SLC5A3: variants seen among roughly 807,000 people sequenced by gnomAD.
SLC5A3 encodes sodium/myo-inositol cotransporter.
A neutral mutation model predicts 43.2 loss-of-function variants in SLC5A3; 10 were observed. That is an observed-to-expected ratio of 0.23 (90% CI 0.14 to 0.39). SLC5A3 has a LOEUF of 0.39. SLC5A3 is among the 10% of genes least tolerant of loss of function. The probability of loss-of-function intolerance (pLI) is 1.00; values close to 1 mark genes in which losing one functional copy is unlikely to be tolerated. For synonymous variants in SLC5A3, 349 were observed against 322.0 expected (o/e 1.08, Z -0.90); for missense variants, 608 against 893.4 (o/e 0.68, Z 4.07).
rs906216662 is a variant in SLC5A3 at position 34,103,071 on chromosome 21, A to G, written c.*5716A>G. 2 of 1,000,038 alleles carry G rather than the reference A, an allele frequency of 2.0e-6. No homozygotes were observed. The highest frequency in any genetic ancestry group is 3.5e-5 in the African/African-American group (2 of 57,242). The allele number at this position is 1,000,038 out of a possible 1,614,324, so 61.9% of individuals were successfully genotyped here. On this transcript the variant is annotated 3_prime_UTR_variant, in exon 2 of 2. Coordinates refer to ENST00000381151, the MANE Select transcript of SLC5A3 (RefSeq NM_006933.7). ...TTCTGTAAGTGGAATGTTCATTAGT[A>G]ACTCATCTTTTTGTTGTTATAATTG... is the stretch of plus-strand genomic sequence containing the variant.
chr21:34,085,825 A>AT (rs1365216877), intron 1 of SLC5A3, among the ~76,000 whole-genome samples: 1 of 152,102 alleles, frequency 6.6e-6, no homozygotes, highest in Non-Finnish European at 1.5e-5. Context: ...GGTGGTCTTG[A>AT]TGTCCTGACC....
chr21:34,075,527 G>C (rs1009035114), intron 1 of SLC5A3, among the ~76,000 whole-genome samples: 1 of 151,810 alleles, frequency 6.6e-6, no homozygotes, highest in Non-Finnish European at 1.5e-5. Context: ...TGAAATCTTC[G>C]CATGAGGGAA....
At chr21:34,088,798 A>G (rs1602918312) in intron 1 of SLC5A3, among the ~76,000 whole-genome samples, 1 of 152,170 alleles carries the variant, frequency 6.6e-6, no homozygotes, top group African/African-American at 2.4e-5. Flanking sequence ...CATGATTGTT[A>G]TAAGGATTAA....
intron 1 of SLC5A3, among the ~76,000 whole-genome samples, chr21:34,091,847 A>G (rs986176402): frequency 1.3e-5 from 2 of 152,182 alleles, no homozygotes; most frequent in South Asian, 2.1e-4. Context: ...TATTACTCCC[A>G]TTACAGAAGC....
At position 34,096,714 on chromosome 21, in the gene SLC5A3, A is replaced by G. The variant is rs774586769; in HGVS notation, c.1516A>G (p.Ile506Val). The G allele has an allele frequency of 6.8e-5, 109 of 1,614,002 alleles. 1 individual carries two copies. In the South Asian group the frequency reaches 7.8e-4, roughly 12 times the overall value. The change falls in exon 2 of 2, where the codon ATC (isoleucine) becomes GTC (valine). Residue 506 changes from isoleucine (I) to valine (V), a missense_variant. Physicochemically the swap from Ile to Val is conservative, Grantham distance 29. Transcript: ENST00000381151. This position sits in a 1 kb window ranked among gnomAD's most constrained non-coding sequence, Gnocchi z 5.9. ...CDQPDNRPGF[I>V]KDIHYMYVAT... The stretch of plus-strand genomic sequence containing the variant: ...CCAACCTGATAATAGGCCGGGCTTC[A>G]TCAAAGACATCCATTATATGTATGT...
chr21:34,092,601 T>C (rs191981001), intron 1 of SLC5A3, among the ~76,000 whole-genome samples: 2 of 152,322 alleles, frequency 1.3e-5, no homozygotes, highest in Non-Finnish European at 2.9e-5. Flanking sequence ...GAATATAGCT[T>C]CTATATTTAC....
At chr21:34,089,394 T>G (rs1459785804) in intron 1 of SLC5A3, among the ~76,000 whole-genome samples, 1 of 151,714 alleles carries the variant, frequency 6.6e-6, no homozygotes, top group Non-Finnish European at 1.5e-5. Flanking sequence ...CTAGTATCAT[T>G]CACATAAAAG....
Position 34,095,754 on chromosome 21 carries a change from A to G in SLC5A3, c.556A>G (p.Thr186Ala). Residue 186 changes from threonine to alanine, a missense_variant, in exon 2 of 2, where the codon ACT (threonine) becomes GCT (alanine). Thr to Ala is a moderately conservative substitution (Grantham distance 58). This residue lies in a region of SLC5A3 where 398 missense variants were observed against 668.6 expected (regional missense o/e 0.60). Transcript: ENST00000381151. ...GGLVAVIYTD[T>A]LQALLMIIGA... is the part of the protein sequence containing the mutation. ...CCTTGTTGCAGTGATCTACACAGACACTCTGCAGGCTCTGCTCATGATCAT... is the reference window on the plus strand; with the variant it reads ...CCTTGTTGCAGTGATCTACACAGACGCTCTGCAGGCTCTGCTCATGATCAT... 1.2e-6 allele frequency: 2 copies of G among 1,613,652 alleles called. No homozygotes were observed. The highest frequency in any genetic ancestry group is 1.7e-6 in the Non-Finnish European group (2 of 1,179,890).
rs1207899464 is a variant in SLC5A3 at position 34,101,982 on chromosome 21, G to A, written c.*4627G>A. The stretch of plus-strand genomic sequence containing the variant: ...CCAAAAAGGTTTTTTTGCAGTAAAA[G>A]TAAAAATTTGGAATTAGTTGGCATA... On this transcript the variant is annotated 3_prime_UTR_variant, in exon 2 of 2. Transcript: ENST00000381151. The A allele has an allele frequency of 9.0e-6, 9 of 1,000,028 alleles. No individual in the cohort carries two copies. Among genetic ancestry groups the A allele is most frequent in the East Asian group, 1.1e-4 (1 of 8,826 alleles). 61.9% of individuals were successfully genotyped at this position (1,000,028 alleles called of 1,614,324 possible).
intron 1 of SLC5A3, among the ~76,000 whole-genome samples, chr21:34,082,058 T>G (rs528795544): frequency 1.3e-5 from 2 of 151,542 alleles, no homozygotes; most frequent in African/African-American, 4.9e-5. Flanking sequence ...AAATCTGGTT[T>G]TTTTTTTTTT....
At chr21:34,089,029 A>G (rs1466936627) in intron 1 of SLC5A3, among the ~76,000 whole-genome samples, 2 of 152,002 alleles carry the variant, frequency 1.3e-5, no homozygotes, top group Admixed American at 6.6e-5. Flanking sequence ...CTGTTATTTC[A>G]TATTTCCTTT....
rs552390718 is a variant in SLC5A3 at position 34,074,838 on chromosome 21, C to G, written c.-337+1093C>G. 3.3e-4 allele frequency among the ~76,000 whole-genome samples: 50 copies of G among 152,328 alleles called. No individual in the cohort carries two copies. The South Asian group carries it at 0.01, about 31-fold the overall frequency. ...ATTACCAAGTTTGGTTGAACTTAAG[C>G]TCAATTGATAAACTAACAATCACGG... On this transcript the variant is annotated intron_variant, in intron 1 of 1. Coordinates refer to ENST00000381151, the MANE Select transcript of SLC5A3 (RefSeq NM_006933.7).
rs568912727 is a variant in SLC5A3, at chr21:34,102,856, A to G, written c.*5501A>G. ...CTAGGTTGTTTACATTCAGAGCTCT[A>G]TCAATAAGAGGAATACATATTACAG... On this transcript the variant is annotated 3_prime_UTR_variant, in exon 2 of 2. Transcript: ENST00000381151. 1.1e-5 allele frequency: 11 copies of G among 1,000,058 alleles called. No individual in the cohort carries two copies. The highest frequency in any genetic ancestry group is 1.3e-5 in the Non-Finnish European group (11 of 829,938). The allele number at this position is 1,000,058 out of a possible 1,614,324, so 61.9% of individuals were successfully genotyped here. A position where few individuals can be genotyped will look rare whatever the true frequency, so the allele number is the denominator to read the frequency against.
intron 1 of SLC5A3, among the ~76,000 whole-genome samples, chr21:34,088,202 A>G (rs1378108804): frequency 3.6e-3 from 1 of 278 alleles, no homozygotes; most frequent in Non-Finnish European, 6.8e-3. Context: ...CTTAGATAGA[A>G]TCTATAGCTG....
At position 34,097,197 on chromosome 21, in the gene SLC5A3, A is replaced by C; in HGVS notation, c.1999A>C (p.Lys667Gln). The C allele has an allele frequency of 6.2e-7, 1 of 1,614,114 alleles. No individual in the cohort carries two copies. Among genetic ancestry groups the C allele is most frequent in the Non-Finnish European group, 8.5e-7 (1 of 1,179,954 alleles). ...FIDWFCGFKS[K>Q]SLSKRSLRDL... is the part of the protein sequence containing the mutation. Reference sequence around the variant, plus strand: ...AGACTGGTTTTGTGGCTTTAAAAGTAAGAGCCTCAGCAAGAGGAGTCTCAG... The same window carrying C: ...AGACTGGTTTTGTGGCTTTAAAAGTCAGAGCCTCAGCAAGAGGAGTCTCAG... The change falls in exon 2 of 2, where the codon AAG (lysine) becomes CAG (glutamine). Residue 667 changes from lysine to glutamine, a missense_variant. Coordinates refer to ENST00000381151, the MANE Select transcript of SLC5A3 (RefSeq NM_006933.7).
chr21:34,091,666 A>C (rs929229126), intron 1 of SLC5A3, among the ~76,000 whole-genome samples: 1 of 152,222 alleles, frequency 6.6e-6, no homozygotes, highest in African/African-American at 2.4e-5. Flanking sequence ...GAATAGAACC[A>C]AAACTGCATT....
At chr21:34,082,837 A>G (rs1989490126) in intron 1 of SLC5A3, among the ~76,000 whole-genome samples, 1 of 152,190 alleles carries the variant, frequency 6.6e-6, no homozygotes, top group African/African-American at 2.4e-5. Context: ...CCCAAGGTGT[A>G]ATTGACTTGT....
At chr21:34,094,740 A>AT (rs1274443505) in intron 1 of SLC5A3, 123 bp from the exon 2 acceptor site, 1,856 of 7,772 alleles carry the variant, frequency 0.24, 42 homozygotes, top group South Asian at 0.48. Context: ...GTATTAAAAA[A>AT]ATTTTTTTTC....
chr21:34,102,824 C>G lies in SLC5A3; in HGVS notation c.*5469C>G. 1 of 1,000,108 alleles carries G rather than the reference C, an allele frequency of 1.0e-6. No homozygotes were observed. Among genetic ancestry groups the G allele is most frequent in the Non-Finnish European group, 1.2e-6 (1 of 829,912 alleles). 62.0% of individuals were successfully genotyped at this position (1,000,108 alleles called of 1,614,324 possible). On this transcript the variant is annotated 3_prime_UTR_variant, in exon 2 of 2. Transcript: ENST00000381151. ...TGTCCATGATACTGAAGCTTTTCCC[C>G]TCACTTCTAGGTTGTTTACATTCAG...
Sources: gnomAD v4.1 joint callset for allele counts (sites outside exome capture counted in the v4.1 genomes callset) on GRCh38, gnomAD v4.1.1 for gene constraint, gnomAD v4.1.1 regional missense constraint, Gnocchi (gnomAD v3.1) non-coding constraint, MANE v1.5 for transcripts, NCBI Gene and HGNC (gene_info 2026-07-23, HGNC 2026-07-21) for gene names.